Variants in GRB14 observed in about 807,000 individuals in gnomAD.
The protein encoded by GRB14 is growth factor receptor bound protein 14, also known as growth factor receptor-bound protein 14.
In GRB14, 38 loss-of-function variants were observed where a neutral mutation model predicts 69.1. The observed-to-expected ratio is 0.55, with a 90% CI of 0.42 to 0.72. The LOEUF (loss-of-function observed/expected upper bound fraction) is 0.72, where lower values mean the gene tolerates loss of function less well. Ranked by LOEUF, GRB14 falls within the 30% of genes least tolerant of loss-of-function variation. GRB14 has a pLI of 0.00. For missense variants in GRB14, 666 were observed against 666.1 expected (o/e 1.00, Z 0.00); for synonymous variants, 247 against 241.3 (o/e 1.02, Z -0.22).
rs570124200 is a variant in GRB14, at chr2:164,530,885, C to T, written c.482-3750G>A. ...ACTAACAAGTTTCAATAGGATCACA[C>T]TGTGGAGCAGAAAACTGATTTTAAA... On this transcript the variant is annotated intron_variant, in intron 3 of 13. Transcript: ENST00000263915. 6.6e-5 allele frequency among the ~76,000 whole-genome samples: 10 copies of T among 152,238 alleles called. No homozygotes were observed. In the East Asian group the frequency reaches 1.9e-3, roughly 29 times the overall value.
intron 2 of GRB14, among the ~76,000 whole-genome samples, chr2:164,552,315 C>T (rs186748676): frequency 2.6e-5 from 4 of 152,204 alleles, no homozygotes; most frequent in African/African-American, 9.6e-5. Context: ...GGAACCTACC[C>T]CAGGGTGATA....
chr2:164,600,705 A>C (rs1689894266), intron 2 of GRB14, among the ~76,000 whole-genome samples: 1 of 152,198 alleles, frequency 6.6e-6, no homozygotes. Flanking sequence ...TTACATGTAA[A>C]ACAACTTTTC....
At chr2:164,493,927 C>T (rs186004573) in intron 13 of GRB14, among the ~76,000 whole-genome samples, 2 of 152,242 alleles carry the variant, frequency 1.3e-5, no homozygotes, top group Non-Finnish European at 2.9e-5. Context: ...CAACAGAAAT[C>T]CCAAAGCAAG....
chr2:164,553,271 G>T (rs1055198974), intron 2 of GRB14, among the ~76,000 whole-genome samples: 1 of 152,118 alleles, frequency 6.6e-6, no homozygotes, highest in Non-Finnish European at 1.5e-5. Flanking sequence ...AAATAATCAG[G>T]ATATGCCACT....
intron 6 of GRB14, among the ~76,000 whole-genome samples, chr2:164,516,104 C>T (rs939633412): frequency 2.0e-5 from 3 of 151,704 alleles, no homozygotes; most frequent in Admixed American, 2.0e-4. Context: ...CTGGTGTTCC[C>T]GAGGAAGAAA....
At chr2:164,574,666 A>G (rs1004165611) in intron 2 of GRB14, among the ~76,000 whole-genome samples, 16 of 152,166 alleles carry the variant, frequency 1.1e-4, no homozygotes, top group African/African-American at 3.9e-4. Context: ...ATCGTTAGGC[A>G]TGGTGGCTTA....
In GRB14 at chr2:164,493,070, T is replaced by C. The variant is rs1686798584; in HGVS notation, c.1589A>G (p.Lys530Arg). 6.2e-7 allele frequency: 1 copy of C among 1,613,666 alleles called. No homozygotes were observed. ...AATCCTAGCACAATAATGTTTCAACTTGCAAGGAAGAACGCCCTTATTGAG... is the reference window on the plus strand; with the variant it reads ...AATCCTAGCACAATAATGTTTCAACCTGCAAGGAAGAACGCCCTTATTGAG... The part of the protein sequence containing the change: ...YQLNKGVLPC[K>R]LKHYCARIAL The change falls in exon 14 of 14, where the codon AAG becomes AGG. Residue 530 changes from lysine to arginine, a missense_variant. Physicochemically the swap from Lys to Arg is conservative, Grantham distance 26. Transcript: ENST00000263915.
chr2:164,612,162 C>T (rs114212839), intron 2 of GRB14, among the ~76,000 whole-genome samples: 103 of 152,242 alleles, frequency 6.8e-4, no homozygotes, highest in Non-Finnish European at 1.3e-3. Flanking sequence ...AAACGGTACA[C>T]GCAATGTTGT....
intron 2 of GRB14, among the ~76,000 whole-genome samples, chr2:164,609,456 G>C (rs542446237): frequency 4.9e-4 from 74 of 152,130 alleles, no homozygotes; most frequent in Non-Finnish European, 9.7e-4. Flanking sequence ...CTTCCTGAAG[G>C]CAAACCTGTG....
chr2:164,619,052 A>G (rs952183479), intron 2 of GRB14, among the ~76,000 whole-genome samples: 3 of 152,200 alleles, frequency 2.0e-5, no homozygotes, highest in Non-Finnish European at 4.4e-5. Context: ...TTGGTCCTTA[A>G]AATCTAATTT....
At chr2:164,546,414 C>G (rs1688375926) in intron 3 of GRB14, among the ~76,000 whole-genome samples, 1 of 151,986 alleles carries the variant, frequency 6.6e-6, no homozygotes, top group South Asian at 2.1e-4. Flanking sequence ...GCAAAGAAGC[C>G]ACTGGCTTCA....
Position 164,621,182 on chromosome 2 carries a change from G to A in GRB14, c.128C>T (p.Pro43Leu). 3 of 1,243,596 alleles carry A rather than the reference G, an allele frequency of 2.4e-6. No homozygotes were observed. Among genetic ancestry groups the A allele is most frequent in the Non-Finnish European group, 3.0e-6 (3 of 988,216 alleles). 77.0% of individuals were successfully genotyped at this position (1,243,596 alleles called of 1,614,324 possible). A position where few individuals can be genotyped will look rare whatever the true frequency, so the allele number is the denominator to read the frequency against. ...CAGGAGCGCTCGCGCGTGCAGCCAG[G>A]GGGCCGGCGCCAGGTCGTGGGCGTC... ...RGDAHDLAPAPWLHARALLPL... is the reference protein window; with the variant it reads ...RGDAHDLAPALWLHARALLPL... Residue 43 changes from proline (P) to leucine (L), a missense_variant, in exon 1 of 14, where the codon CCC becomes CTC. Pro to Leu is a moderately conservative substitution (Grantham distance 98). Coordinates refer to ENST00000263915, the MANE Select transcript of GRB14 (RefSeq NM_004490.3). The surrounding 1 kb of genome is among the most constrained non-coding windows in gnomAD (Gnocchi z 6.0).
chr2:164,593,790 A>G (rs1215162852), intron 2 of GRB14, among the ~76,000 whole-genome samples: 2 of 152,202 alleles, frequency 1.3e-5, no homozygotes, highest in African/African-American at 2.4e-5. Flanking sequence ...CAGGTGAAGG[A>G]CAGAACTAAC....
intron 2 of GRB14, among the ~76,000 whole-genome samples, chr2:164,592,017 T>C (rs1026117502): frequency 2.0e-5 from 3 of 152,206 alleles, no homozygotes; most frequent in Admixed American, 1.3e-4. Flanking sequence ...CCTGCCACCA[T>C]GTAAGATGTG....
chr2:164,526,827 A>C (rs550813855), intron 4 of GRB14, among the ~76,000 whole-genome samples, 187 bp downstream of exon 4: 1 of 152,020 alleles, frequency 6.6e-6, no homozygotes, highest in South Asian at 2.1e-4. Flanking sequence ...TGTGTATCTG[A>C]ACTTCTGTGT....
chr2:164,492,608 AGTT>A lies in GRB14; in HGVS notation c.*425_*427del, dbSNP rs1257723384. ...TGTGGATAGTTTCTTTTAATTGATAAGTTATTATCATATTTCTTAACATTAAAA... is the reference window on the plus strand; with the variant it reads ...TGTGGATAGTTTCTTTTAATTGATAAATTATCATATTTCTTAACATTAAAA... On this transcript the variant is annotated 3_prime_UTR_variant, in exon 14 of 14. Coordinates refer to ENST00000263915, the MANE Select transcript of GRB14 (RefSeq NM_004490.3). Among the ~76,000 whole-genome samples the A allele has an allele frequency of 8.2e-6, 1 of 122,400 alleles. No homozygotes were observed. The highest frequency in any genetic ancestry group is 1.9e-5 in the Non-Finnish European group (1 of 51,602). 80.3% of individuals were successfully genotyped at this position (122,400 alleles called of 152,430 possible). A position where few individuals can be genotyped will look rare whatever the true frequency, so the allele number is the denominator to read the frequency against.
chr2:164,508,636 T>C (rs1447456896), intron 7 of GRB14, 86 bp from the exon 8 acceptor site: 13 of 1,439,318 alleles, frequency 9.0e-6, no homozygotes, highest in African/African-American at 4.3e-5. Context: ...AATTCTCCTA[T>C]ATATAAGAGA....
chr2:164,492,979 T>C lies in GRB14; in HGVS notation c.*57A>G. The C allele has an allele frequency of 6.6e-7, 1 of 1,505,356 alleles. No individual in the cohort carries two copies. Among genetic ancestry groups the C allele is most frequent in the Non-Finnish European group, 9.0e-7 (1 of 1,110,592 alleles). The allele number at this position is 1,505,356 out of a possible 1,614,324, so 93.2% of individuals were successfully genotyped here. A position where few individuals can be genotyped will look rare whatever the true frequency, so the allele number is the denominator to read the frequency against. ...GTTTTCGCCCTTATTTATGGTCTTTTATTATTTTTCTTGAGTCCTTTTCCT... is the reference window on the plus strand; with the variant it reads ...GTTTTCGCCCTTATTTATGGTCTTTCATTATTTTTCTTGAGTCCTTTTCCT... On this transcript the variant is annotated 3_prime_UTR_variant, in exon 14 of 14. Transcript: ENST00000263915.
chr2:164,531,196 T>C (rs921613978), intron 3 of GRB14, among the ~76,000 whole-genome samples: 1 of 152,226 alleles, frequency 6.6e-6, no homozygotes, highest in Non-Finnish European at 1.5e-5. Context: ...CATCCAGTGA[T>C]CACTGAGCTA....
Sources: gnomAD v4.1 joint callset for allele counts (sites outside exome capture counted in the v4.1 genomes callset) on GRCh38, gnomAD v4.1.1 for gene constraint, Gnocchi (gnomAD v3.1) non-coding constraint, MANE v1.5 for transcripts, NCBI Gene and HGNC (gene_info 2026-07-23, HGNC 2026-07-21) for gene names.